The following FREM1 variants were observed in gnomAD, a reference collection of about 807,000 sequenced individuals.
The protein encoded by FREM1 is FRAS1-related extracellular matrix protein 1.
In FREM1, 220 loss-of-function variants were observed where a neutral mutation model predicts 210.1. The observed-to-expected ratio is 1.05, with a 90% confidence interval of 0.94 to 1.17. The LOEUF is 1.17. FREM1 is among the 50% of genes most tolerant of loss of function. The pLI, the probability that FREM1 is intolerant of heterozygous loss-of-function variation, is 0.00. For missense variants in FREM1, 3,454 were observed against 2,675.5 expected (o/e 1.29, Z -6.42); for synonymous variants, 1,189 against 980.2 (o/e 1.21, Z -3.98).
chr9:14,824,716 T>C (rs1338841562), intron 11 of FREM1, 80 bp downstream of exon 11: 1 of 904,424 alleles, frequency 1.1e-6, no homozygotes, highest in African/African-American at 1.7e-5. Context: ...CAGTACTATA[T>C]ATATATATAT....
At chr9:14,894,833 T>C (rs1254372484) in intron 1 of FREM1, among the ~76,000 whole-genome samples, 3 of 152,246 alleles carry the variant, frequency 2.0e-5, no homozygotes, top group African/African-American at 7.2e-5. Context: ...ATAAGTGCAA[T>C]AAGAATCTGT....
intron 20 of FREM1, among the ~76,000 whole-genome samples, chr9:14,800,818 G>T (rs1817133413): frequency 6.6e-6 from 1 of 152,098 alleles, no homozygotes; most frequent in African/African-American, 2.4e-5. Flanking sequence ...AATGAATAAA[G>T]TAGGTGAATG....
At chr9:14,807,178 A>C (rs1818522639) in intron 17 of FREM1, among the ~76,000 whole-genome samples, 1 of 152,196 alleles carries the variant, frequency 6.6e-6, no homozygotes. Context: ...GTCTCTATGG[A>C]AGTGACAAAT....
rs143114272 is a variant in FREM1, at chr9:14,880,528, C to T, written c.-267-11284G>A. On this transcript the variant is annotated intron_variant, in intron 1 of 36. Coordinates refer to ENST00000380880, the MANE Select transcript of FREM1 (RefSeq NM_001379081.2). The stretch of plus-strand genomic sequence containing the variant: ...CTGAGGCAGGAGAATCACTTGAACC[C>T]GGGAGGCAAAGGGTGCAGTGGGCCG... Among the ~76,000 whole-genome samples the T allele has an allele frequency of 5.5e-3, 826 of 149,812 alleles. 5 individuals carry two copies. Among genetic ancestry groups the T allele is most frequent in the African/African-American group, 0.019 (776 of 40,534 alleles).
intron 28 of FREM1, among the ~76,000 whole-genome samples, chr9:14,759,392 C>T (rs538251824): frequency 8.6e-5 from 13 of 152,036 alleles, no homozygotes; most frequent in African/African-American, 2.7e-4. Context: ...TGCCTGTAAT[C>T]CCAGCTACTC....
At chr9:14,882,912 C>CAAAAAAAAAAAAAAAAAAAAAAAAAAAAA (rs71323913) in intron 1 of FREM1, among the ~76,000 whole-genome samples, 1 of 45,414 alleles carries the variant, frequency 2.2e-5, no homozygotes, top group African/African-American at 9.3e-5. Flanking sequence ...GACTCCATCT[C>CAAAAAAAAAAAAAAAAAAAAAAAAAAAAA]AAAAAAAAAA....
chr9:14,821,698 G>A (rs887629983), intron 13 of FREM1, among the ~76,000 whole-genome samples: 2 of 152,194 alleles, frequency 1.3e-5, no homozygotes, highest in Non-Finnish European at 2.9e-5. Context: ...CCACAGGTGT[G>A]GGAGGTCAGG....
chr9:14,774,407 C>T (rs1471227400), intron 25 of FREM1, among the ~76,000 whole-genome samples: 4 of 152,040 alleles, frequency 2.6e-5, no homozygotes, highest in African/African-American at 9.7e-5. Flanking sequence ...AAGATTGCAA[C>T]GTTAACTCCT....
intron 36 of FREM1, among the ~76,000 whole-genome samples, chr9:14,739,473 T>TAC (rs1841078567): frequency 7.7e-6 from 1 of 130,166 alleles, no homozygotes; most frequent in South Asian, 2.2e-4. Context: ...TATATATATA[T>TAC]ATAATTCATA....
intron 36 of FREM1, among the ~76,000 whole-genome samples, chr9:14,739,316 C>T (rs1200586030): frequency 2.0e-5 from 3 of 151,346 alleles, no homozygotes; most frequent in African/African-American, 7.3e-5. Flanking sequence ...GTTGCCTAGG[C>T]TCATCTCGAA....
At chr9:14,876,843 T>C (rs1198184815) in intron 1 of FREM1, among the ~76,000 whole-genome samples, 1 of 152,200 alleles carries the variant, frequency 6.6e-6, no homozygotes, top group Non-Finnish European at 1.5e-5. Context: ...TTAATATGGT[T>C]GTTGAACTTT....
At position 14,797,539 on chromosome 9, in the gene FREM1, T is replaced by C; in HGVS notation, c.3798A>G (p.Val1266=). ...TTTCATCATTAACTGGGATGACCTCTACTGAAATGGTTTTAAGTATCTTAT... is the reference window on the plus strand; with the variant it reads ...TTTCATCATTAACTGGGATGACCTCCACTGAAATGGTTTTAAGTATCTTAT... ...GKHKILKTIS[V]EVIPVNDEKP... is the part of the protein sequence containing the mutation. The change falls in exon 21 of 37, where the codon GTA becomes GTG. Residue 1266 remains valine (V), a synonymous_variant. Coordinates refer to ENST00000380880, the MANE Select transcript of FREM1 (RefSeq NM_001379081.2). 1 of 1,613,024 alleles carries C rather than the reference T, an allele frequency of 6.2e-7. No individual in the cohort carries two copies. Among genetic ancestry groups the C allele is most frequent in the South Asian group, 1.1e-5 (1 of 90,878 alleles).
rs1353960893 is a variant in FREM1, at chr9:14,737,179, A to G, written c.*217T>C. 2.2e-6 allele frequency: 1 copy of G among 456,586 alleles called. No homozygotes were observed. Among genetic ancestry groups the G allele is most frequent in the African/African-American group, 2.0e-5 (1 of 50,310 alleles). The allele number at this position is 456,586 out of a possible 1,614,324, so 28.3% of individuals were successfully genotyped here. On this transcript the variant is annotated 3_prime_UTR_variant, in exon 37 of 37. Coordinates refer to ENST00000380880, the MANE Select transcript of FREM1 (RefSeq NM_001379081.2). ...TATAATACTGCTGGCATTTATTTTA[A>G]AAGGTATTGAGATACAAAAATTGTA...
chr9:14,750,354 C>G, intron 29 of FREM1, 78 bp from the exon 30 acceptor site: 1 of 1,164,038 alleles, frequency 8.6e-7, no homozygotes, highest in East Asian at 2.5e-5. Context: ...TATTAATTAA[C>G]ATGTCTACAG....
At position 14,868,924 on chromosome 9, in the gene FREM1, CAGG is replaced by C. The variant is rs1285833841; in HGVS notation, c.51_53del (p.Leu18del). 1.9e-6 allele frequency: 3 copies of C among 1,603,096 alleles called. No individual in the cohort carries two copies. In the East Asian group the frequency reaches 6.7e-5, roughly 36 times the overall value. On this transcript the variant is annotated inframe_deletion, in exon 2 of 37. Coordinates refer to ENST00000380880, the MANE Select transcript of FREM1 (RefSeq NM_001379081.2). ...TGATGAAGGTGGGGCTGGCCCAGGC[CAGG>C]AGGAGCAGCAGCAGCACGGCATTCG...
rs530182229 is a variant in FREM1 at position 14,857,605 on chromosome 9, T to C, written c.776A>G (p.Tyr259Cys). 5 of 1,613,878 alleles carry C rather than the reference T, an allele frequency of 3.1e-6. No homozygotes were observed. The highest frequency in any genetic ancestry group is 2.2e-5 in the East Asian group (1 of 44,868). ...HLDPPSPNID[Y>C]ISIQLDLTDT... is the part of the protein sequence containing the mutation. The stretch of plus-strand genomic sequence containing the variant: ...TGTGAGGTCCAGTTGGATGGAGATA[T>C]AATCAATGTTGGGTGAAGGGGGATC... Residue 259 changes from tyrosine to cysteine, a missense_variant, in exon 5 of 37, where the codon TAT becomes TGT. Coordinates refer to ENST00000380880, the MANE Select transcript of FREM1 (RefSeq NM_001379081.2).
At chr9:14,799,474 C>A (rs1309157524) in intron 20 of FREM1, among the ~76,000 whole-genome samples, 1 of 151,812 alleles carries the variant, frequency 6.6e-6, no homozygotes, top group African/African-American at 2.4e-5. Context: ...AAATATCAAC[C>A]CAAATACTAA....
intron 1 of FREM1, among the ~76,000 whole-genome samples, chr9:14,903,377 G>T (rs1411289015): frequency 2.0e-5 from 3 of 152,226 alleles, no homozygotes; most frequent in Non-Finnish European, 2.9e-5. Context: ...GAAATGGATG[G>T]TTGATGGCTT....
In FREM1 at chr9:14,742,771, G is replaced by A. The variant is rs191514601; in HGVS notation, c.6255-2537C>T. Among the ~76,000 whole-genome samples, 8 of 152,214 alleles carry A rather than the reference G, an allele frequency of 5.3e-5. No homozygotes were observed. In the East Asian group the frequency reaches 1.5e-3, roughly 29 times the overall value. ...AATCTTATATGTGTTTGCAGTGAGA[G>A]AAAAACAATTATTAACACATAATTT... On this transcript the variant is annotated intron_variant, in intron 35 of 36. Transcript: ENST00000380880.
Sources: allele counts gnomAD v4.1 joint callset (sites outside exome capture counted in the v4.1 genomes callset), GRCh38; gene constraint gnomAD v4.1.1; transcripts MANE v1.5; gene names NCBI Gene and HGNC (gene_info 2026-07-23, HGNC 2026-07-21).